FHDC1: variants seen among roughly 807,000 people sequenced by gnomAD.
FHDC1 encodes the protein FH2 domain containing 1, also known as FH2 domain-containing protein 1.
FHDC1 carries 25 observed loss-of-function variants against 52.6 expected under a neutral mutation model. The observed-to-expected ratio is 0.48, with a 90% confidence interval of 0.35 to 0.66. The LOEUF is 0.66. Among genes scored for constraint, FHDC1 ranks in the 30% least tolerant of loss-of-function variants. The pLI, the probability that FHDC1 is intolerant of heterozygous loss-of-function variation, is 0.01. For missense variants in FHDC1, 1,459 were observed against 1,452.8 expected, an observed-to-expected ratio of 1.00 and a Z score of -0.07; for synonymous variants, 616 against 581.5, an observed-to-expected ratio of 1.06 and a Z score of -0.85.
chr4:152,976,308 A>G lies in FHDC1; in HGVS notation c.3017A>G (p.His1006Arg), dbSNP rs1232466868. 19 of 1,613,212 alleles carry G rather than the reference A, an allele frequency of 1.2e-5. No individual in the cohort carries two copies. Among genetic ancestry groups the G allele is most frequent in the Non-Finnish European group, 1.6e-5 (19 of 1,179,932 alleles). Residue 1006 changes from histidine (H) to arginine (R), a missense_variant, in exon 12 of 12, where the codon CAC becomes CGC. Transcript: ENST00000511601. ...GAGGAAAATAAGACCTGCCGCGCCC[A>G]CTCCGAGGGCCCTGAGAGTCCCAAA... ...KPEENKTCRA[H>R]SEGPESPKEE...
At chr4:152,931,455 AACACACACACACACACACAC>A (rs56142204), upstream of FHDC1, among the ~76,000 whole-genome samples, 663 of 127,282 alleles carry the variant, frequency 5.2e-3, 6 homozygotes, top group African/African-American at 0.018. Context: ...CAGCCTCTAA[AACACACACACACACACACAC>A]ACACACACAC....
At position 152,975,986 on chromosome 4, in the gene FHDC1, A is replaced by G. The variant is rs1740861347; in HGVS notation, c.2695A>G (p.Asn899Asp). ...TGTGCGGACCCTGACCGCCTCAGAGAACGAGAGCATGCGCAAGGTCATGCC... is the reference window on the plus strand; with the variant it reads ...TGTGCGGACCCTGACCGCCTCAGAGGACGAGAGCATGCGCAAGGTCATGCC... The part of the protein sequence containing the change: ...KSVRTLTASE[N>D]ESMRKVMPIT... The change falls in exon 12 of 12, where the codon AAC (asparagine) becomes GAC (aspartate). Residue 899 changes from asparagine to aspartate, a missense_variant. Around this residue, in one of 3 missense-constraint regions of FHDC1, gnomAD observed 939 missense variants for 854.5 expected, o/e 1.10. Coordinates refer to ENST00000511601, the MANE Select transcript of FHDC1 (RefSeq NM_001371116.1). 1 of 1,525,452 alleles carries G rather than the reference A, an allele frequency of 6.6e-7. No homozygotes were observed. The highest frequency in any genetic ancestry group is 1.4e-5 in the African/African-American group (1 of 71,892). The allele number at this position is 1,525,452 out of a possible 1,614,324, so 94.5% of individuals were successfully genotyped here. A position where few individuals can be genotyped will look rare whatever the true frequency, so the allele number is the denominator to read the frequency against.
chr4:152,915,607 G>C, the FHDC1 span, among the ~76,000 whole-genome samples: 1 of 152,168 alleles, frequency 6.6e-6, no homozygotes, highest in African/African-American at 2.4e-5. Flanking sequence ...GTTTACAGAA[G>C]AGTGGCCAGT....
Position 152,977,010 on chromosome 4 carries a change from T to G in FHDC1, c.*287T>G. On this transcript the variant is annotated 3_prime_UTR_variant, in exon 12 of 12. Transcript: ENST00000511601. ...CCCAAAGCCCGGATCCCGAGAAAGA[T>G]TTAGTAGGAGTGTAAAGTGACATTC... 1 of 288,562 alleles carries G rather than the reference T, an allele frequency of 3.5e-6. No homozygotes were observed. The highest frequency in any genetic ancestry group is 6.4e-6 in the Non-Finnish European group (1 of 157,302). 17.9% of individuals were successfully genotyped at this position (288,562 alleles called of 1,614,324 possible).
chr4:152,913,714 C>T, the FHDC1 span, among the ~76,000 whole-genome samples: 5 of 151,996 alleles, frequency 3.3e-5, no homozygotes, highest in South Asian at 4.1e-4. Context: ...GAGTTTCACT[C>T]GTTGCCCAGG....
intron 9 of FHDC1, 127 bp from the exon 10 acceptor site, chr4:152,967,853 T>C: frequency 1.5e-6 from 1 of 670,654 alleles, no homozygotes; most frequent in Non-Finnish European, 2.6e-6. Context: ...CAGGGGTAGA[T>C]AAATATCATC....
At chr4:152,935,407 G>C (rs927250685), upstream of FHDC1, among the ~76,000 whole-genome samples, 3 of 152,060 alleles carry the variant, frequency 2.0e-5, no homozygotes, top group African/African-American at 7.2e-5. Context: ...GTTTGCCCGG[G>C]ATGTTTTCTT....
upstream of FHDC1, among the ~76,000 whole-genome samples, chr4:152,932,031 C>T (rs1489142258): frequency 6.6e-6 from 1 of 150,800 alleles, no homozygotes; most frequent in Non-Finnish European, 1.5e-5. Context: ...ATGATCAGAG[C>T]CTAGTCATTA....
At chr4:152,913,168 C>G in the FHDC1 span, among the ~76,000 whole-genome samples, 1 of 152,272 alleles carries the variant, frequency 6.6e-6, no homozygotes, top group South Asian at 2.1e-4. Flanking sequence ...TCAAAAGTGT[C>G]AAGTTTCTTC....
Position 152,953,369 on chromosome 4 carries a change from C to T in FHDC1, c.499-130C>T, listed in dbSNP as rs555468052. On this transcript the variant is annotated intron_variant, in intron 2 of 11. Coordinates refer to ENST00000511601, the MANE Select transcript of FHDC1 (RefSeq NM_001371116.1). ...CTATGTTAGGAATATCTGTTAATCA[C>T]CAGATTTATACATTGGGAATTATTC... 10 of 676,796 alleles carry T rather than the reference C, an allele frequency of 1.5e-5. No homozygotes were observed. In the African/African-American group the frequency reaches 1.8e-4, roughly 12 times the overall value. 41.9% of individuals were successfully genotyped at this position (676,796 alleles called of 1,614,324 possible).
intron 3 of FHDC1, among the ~76,000 whole-genome samples, chr4:152,953,773 G>C (rs1451789928): frequency 6.6e-6 from 1 of 152,218 alleles, no homozygotes; most frequent in Non-Finnish European, 1.5e-5. Flanking sequence ...AATTGCCCCA[G>C]GGCATCCATT....
At chr4:152,974,645 T>A in intron 11 of FHDC1, 30 bp from the exon 12 acceptor site, 1 of 1,503,714 alleles carries the variant, frequency 6.7e-7, no homozygotes, top group African/African-American at 1.4e-5. Context: ...ACATGTCTCA[T>A]GCATCTTCGG....
chr4:152,914,522 A>G, the FHDC1 span, among the ~76,000 whole-genome samples: 18 of 152,190 alleles, frequency 1.2e-4, no homozygotes, highest in African/African-American at 4.3e-4. Flanking sequence ...ATGCTATCAG[A>G]ACTGAGAATT....
chr4:152,916,570 TAAC>T, the FHDC1 span, among the ~76,000 whole-genome samples: 57,061 of 150,264 alleles, frequency 0.38, 11,752 homozygotes, highest in Admixed American at 0.5. Context: ...TTTTTCATAA[TAAC>T]ATTAAAAAAA....
the FHDC1 span, among the ~76,000 whole-genome samples, chr4:152,924,305 A>G: frequency 3.3e-5 from 5 of 152,192 alleles, no homozygotes; most frequent in Non-Finnish European, 5.9e-5. Flanking sequence ...CAAAACCACA[A>G]TGAGATACCA....
rs923042789 is a variant in FHDC1 at position 152,977,244 on chromosome 4, T to C, written c.*521T>C. ...CCGTCTCTATCAGAAATACAAAATT[T>C]AGCCGAGTGTGGTGGCACATGCCTG... is the stretch of plus-strand genomic sequence containing the variant. On this transcript the variant is annotated 3_prime_UTR_variant, in exon 12 of 12. Coordinates refer to ENST00000511601, the MANE Select transcript of FHDC1 (RefSeq NM_001371116.1). 7 of 152,100 alleles carry C rather than the reference T, an allele frequency of 4.6e-5. No homozygotes were observed. Among genetic ancestry groups the C allele is most frequent in the Non-Finnish European group, 7.3e-5 (5 of 68,046 alleles). 9.4% of individuals were successfully genotyped at this position (152,100 alleles called of 1,614,324 possible).
In FHDC1 at chr4:152,956,269, A is replaced by G. The variant is rs545041983; in HGVS notation, c.663+1950A>G. 2.8e-4 allele frequency among the ~76,000 whole-genome samples: 42 copies of G among 152,174 alleles called. 1 individual carries two copies. In the South Asian group the frequency reaches 3.1e-3, roughly 11 times the overall value. On this transcript the variant is annotated intron_variant, in intron 4 of 11. Coordinates refer to ENST00000511601, the MANE Select transcript of FHDC1 (RefSeq NM_001371116.1). ...ACCTCTCTATACCCACTCCTAATTG[A>G]CCTCATCGTGTTGTTAAGTGAGGAT...
At chr4:152,931,935 TAAAAAA>T (rs200667161), upstream of FHDC1, among the ~76,000 whole-genome samples, 16 of 95,304 alleles carry the variant, frequency 1.7e-4, no homozygotes, top group African/African-American at 7.3e-4. Flanking sequence ...AGAACCTGTC[TAAAAAA>T]AAAAAAAAAA....
At chr4:152,927,704 A>G in the FHDC1 span, 2 of 1,520,182 alleles carry the variant, frequency 1.3e-6, no homozygotes, top group Non-Finnish European at 1.8e-6. Flanking sequence ...TGAAGATGAG[A>G]CCAACTTCCT....
Sources: allele counts gnomAD v4.1 joint callset (sites outside exome capture counted in the v4.1 genomes callset), GRCh38; gene constraint gnomAD v4.1.1; regional missense constraint gnomAD v4.1.1; transcripts MANE v1.5; gene names NCBI Gene and HGNC (gene_info 2026-07-23, HGNC 2026-07-21).